KLRG1: variants seen among roughly 807,000 people sequenced by gnomAD.
The protein encoded by KLRG1 is killer cell lectin like receptor G1.
A neutral mutation model predicts 21.8 loss-of-function variants in KLRG1; 16 were observed. The observed-to-expected ratio is 0.73, with a 90% confidence interval of 0.50 to 1.11. KLRG1 has a LOEUF of 1.11. KLRG1 is among the 50% of genes most tolerant of loss of function. The probability of loss-of-function intolerance (pLI) is 0.00; values close to 1 mark genes in which losing one functional copy is unlikely to be tolerated. For missense variants in KLRG1, 173 were observed against 218.3 expected, an observed-to-expected ratio of 0.79 and a Z score of 1.31; for synonymous variants, 69 against 75.9, an observed-to-expected ratio of 0.91 and a Z score of 0.47.
the KLRG1 span, chr12:9,089,235 T>G: frequency 1.3e-6 from 2 of 1,588,930 alleles, no homozygotes; most frequent in South Asian, 1.1e-5. Flanking sequence ...TGTTGTTTCC[T>G]TCTCTAGTCC....
chr12:9,091,430 C>T, the KLRG1 span: 1 of 1,614,056 alleles, frequency 6.2e-7, no homozygotes, highest in Non-Finnish European at 8.5e-7. Flanking sequence ...ACCTGCTGAG[C>T]TGGAGAGGAG....
At chr12:9,136,070 A>G in the KLRG1 span, among the ~76,000 whole-genome samples, 2 of 152,246 alleles carry the variant, frequency 1.3e-5, no homozygotes, top group African/African-American at 4.8e-5. Context: ...CTAAATGTAC[A>G]TAAAGACAAG....
chr12:9,153,442 T>C, the KLRG1 span: 2 of 882,190 alleles, frequency 2.3e-6, no homozygotes, highest in Non-Finnish European at 1.8e-6. Flanking sequence ...GGAAGCTGGC[T>C]TTTTACCCCT....
chr12:8,970,273 T>C (rs773148379), intron 1 of KLRG1, among the ~76,000 whole-genome samples: 14 of 152,358 alleles, frequency 9.2e-5, no homozygotes, highest in Non-Finnish European at 1.6e-4. Context: ...GCTTTTGTAC[T>C]ATAGTGGCAG....
chr12:9,150,258 C>T, the KLRG1 span, among the ~76,000 whole-genome samples: 1 of 152,090 alleles, frequency 6.6e-6, no homozygotes, highest in Non-Finnish European at 1.5e-5. Context: ...TAAATTTGTT[C>T]AGTAAGTTTT....
chr12:9,042,681 A>G, the KLRG1 span, among the ~76,000 whole-genome samples: 6 of 152,218 alleles, frequency 3.9e-5, no homozygotes, highest in African/African-American at 1.2e-4. Flanking sequence ...AAGTCCATAC[A>G]GCTTTTAAAA....
chr12:9,027,194 TAA>T, the KLRG1 span, among the ~76,000 whole-genome samples: 344 of 152,040 alleles, frequency 2.3e-3, 1 homozygote, highest in African/African-American at 8.1e-3. Flanking sequence ...TTTTCTTTTT[TAA>T]AAGAGACGTT....
chr12:9,032,532 C>G, the KLRG1 span, among the ~76,000 whole-genome samples: 13 of 152,300 alleles, frequency 8.5e-5, no homozygotes, highest in South Asian at 2.7e-3. Context: ...TAATAGCCCT[C>G]TCCTAAAACT....
the KLRG1 span, among the ~76,000 whole-genome samples, chr12:9,099,909 G>A: frequency 3.3e-5 from 5 of 152,270 alleles, no homozygotes; most frequent in South Asian, 6.2e-4. Context: ...CCAATATTTG[G>A]TTCTTTCTCC....
chr12:9,187,248 A>C, the KLRG1 span, among the ~76,000 whole-genome samples: 1 of 152,150 alleles, frequency 6.6e-6, no homozygotes, highest in Non-Finnish European at 1.5e-5. Context: ...TAATATTGAG[A>C]AACTTCAACA....
At chr12:8,951,462 C>G (rs1215327797) in intron 1 of KLRG1, among the ~76,000 whole-genome samples, 1 of 152,168 alleles carries the variant, frequency 6.6e-6, no homozygotes, top group Non-Finnish European at 1.5e-5. Context: ...GAGTGAGAAC[C>G]TATCTCAAAA....
At chr12:8,978,748 T>C (rs1039210268) in intron 1 of KLRG1, among the ~76,000 whole-genome samples, 13 of 150,740 alleles carry the variant, frequency 8.6e-5, no homozygotes, top group Admixed American at 4.0e-4. Flanking sequence ...GGAGTCTCAC[T>C]CTGTCACCCA....
chr12:9,058,022 T>C, the KLRG1 span: 2 of 152,212 alleles, frequency 1.3e-5, no homozygotes, highest in African/African-American at 4.8e-5. Context: ...CTGCCTATAG[T>C]GAGAGATAGA....
chr12:9,199,531 T>G, the KLRG1 span, among the ~76,000 whole-genome samples: 10 of 152,270 alleles, frequency 6.6e-5, no homozygotes, highest in East Asian at 1.7e-3. Context: ...CAATGTATCC[T>G]CTTAAAATTG....
the KLRG1 span, among the ~76,000 whole-genome samples, chr12:9,210,253 A>T: frequency 6.6e-6 from 1 of 152,138 alleles, no homozygotes; most frequent in African/African-American, 2.4e-5. Context: ...TATCAATCTG[A>T]TGAGTGAAGC....
chr12:9,196,570 C>A, the KLRG1 span: 1 of 1,598,062 alleles, frequency 6.3e-7, no homozygotes, highest in Non-Finnish European at 8.6e-7. Flanking sequence ...ATTACTCACA[C>A]CTGTCCCCTC....
At chr12:9,115,158 C>G in the KLRG1 span, 1 of 152,358 alleles carries the variant, frequency 6.6e-6, no homozygotes, top group Non-Finnish European at 1.5e-5. Flanking sequence ...CCAAAAATCA[C>G]CTAGTACTCT....
At chr12:9,152,944 A>T in the KLRG1 span, 9 of 1,614,034 alleles carry the variant, frequency 5.6e-6, no homozygotes, top group Non-Finnish European at 6.8e-6. Context: ...ATTGTATTTC[A>T]TGGATGTCTG....
the KLRG1 span, among the ~76,000 whole-genome samples, chr12:9,046,084 A>G: frequency 6.6e-6 from 1 of 152,184 alleles, no homozygotes; most frequent in Non-Finnish European, 1.5e-5. Context: ...TGGGCTTAAT[A>G]CCTAGGTGAT....
Sources: allele counts gnomAD v4.1 joint callset (sites outside exome capture counted in the v4.1 genomes callset), GRCh38; gene constraint gnomAD v4.1.1; transcripts MANE v1.5; gene names NCBI Gene and HGNC (gene_info 2026-07-23, HGNC 2026-07-21).